DCAF7: variants seen among roughly 807,000 people sequenced by gnomAD.
The protein encoded by DCAF7 is DDB1 and CUL4 associated factor 7, also known as DDB1- and CUL4-associated factor 7.
DCAF7 carries 4 observed loss-of-function variants against 41.2 expected under a neutral mutation model. The ratio of observed to expected loss-of-function variants is 0.10; its 90% CI spans 0.05 to 0.22. DCAF7 has a LOEUF of 0.22. Ranked by LOEUF, DCAF7 falls within the 10% of genes least tolerant of loss-of-function variation. The pLI, the probability that DCAF7 is intolerant of heterozygous loss-of-function variation, is 1.00. For synonymous variants in DCAF7, 143 were observed against 164.2 expected (o/e 0.87, Z 0.99); for missense variants, 131 against 443.2 (o/e 0.30, Z 6.32).
rs759862233 is a variant in DCAF7, at chr17:63,589,286, C to T, written c.*114C>T. ...GGCCAGTATGTCTTTCATTGCTTTG[C>T]ACCCACTGTTACCAGAAGCTGCTCT... On this transcript the variant is annotated 3_prime_UTR_variant, in exon 7 of 7. Coordinates refer to ENST00000614556, the MANE Select transcript of DCAF7 (RefSeq NM_005828.5). 29 of 1,400,262 alleles carry T rather than the reference C, an allele frequency of 2.1e-5. No individual in the cohort carries two copies. Among genetic ancestry groups the T allele is most frequent in the Non-Finnish European group, 2.8e-5 (28 of 1,011,478 alleles). 86.7% of individuals were successfully genotyped at this position (1,400,262 alleles called of 1,614,324 possible).
chr17:63,550,929 G>A lies in DCAF7; in HGVS notation c.138+114G>A. 6.9e-7 allele frequency: 1 copy of A among 1,458,746 alleles called. No homozygotes were observed. The highest frequency in any genetic ancestry group is 9.1e-7 in the Non-Finnish European group (1 of 1,098,946). 90.4% of individuals were successfully genotyped at this position (1,458,746 alleles called of 1,614,324 possible). The stretch of plus-strand genomic sequence containing the variant: ...TCTTGCGGACTCGCCCTAGGGCCAC[G>A]GAGCGGTTCCTCTGTCTGGCCCTGT... On this transcript the variant is annotated intron_variant, in intron 1 of 6. Coordinates refer to ENST00000614556, the MANE Select transcript of DCAF7 (RefSeq NM_005828.5). This position sits in a 1 kb window ranked among gnomAD's most constrained non-coding sequence, Gnocchi z 4.8.
chr17:63,554,969 A>C (rs2033295621), intron 1 of DCAF7, among the ~76,000 whole-genome samples: 1 of 152,200 alleles, frequency 6.6e-6, no homozygotes, highest in Admixed American at 6.5e-5. Context: ...CTCATTTTGT[A>C]GTCTAGCAGA....
Position 63,589,217 on chromosome 17 carries a change from T to G in DCAF7, c.*45T>G, listed in dbSNP as rs1278627647. 6.2e-7 allele frequency: 1 copy of G among 1,608,536 alleles called. No individual in the cohort carries two copies. The highest frequency in any genetic ancestry group is 1.7e-5 in the Admixed American group (1 of 60,014). ...ACGAGGCAGGGGCTTTTGTATTTCC[T>G]GCCTCTGCCCCACCCCCAAAGTAAG... On this transcript the variant is annotated 3_prime_UTR_variant, in exon 7 of 7. Transcript: ENST00000614556.
intron 6 of DCAF7, among the ~76,000 whole-genome samples, chr17:63,587,950 C>T (rs2033694318): frequency 6.9e-6 from 1 of 144,022 alleles, no homozygotes; most frequent in Non-Finnish European, 1.5e-5. Context: ...TGCACCATTG[C>T]ACTCAAGCCT....
intron 4 of DCAF7, among the ~76,000 whole-genome samples, chr17:63,582,006 T>C (rs920213120): frequency 6.6e-6 from 1 of 152,192 alleles, no homozygotes; most frequent in Non-Finnish European, 1.5e-5. Context: ...TCAGCCACGC[T>C]GCCCATGGCA....
intron 1 of DCAF7, among the ~76,000 whole-genome samples, chr17:63,558,310 GA>G (rs777124899): frequency 6.6e-6 from 1 of 152,232 alleles, no homozygotes; most frequent in African/African-American, 2.4e-5. Flanking sequence ...TTTGATGACA[GA>G]AGGCCATGGA....
In DCAF7 at chr17:63,550,901, C is replaced by T; in HGVS notation, c.138+86C>T. 3 of 1,535,722 alleles carry T rather than the reference C, an allele frequency of 2.0e-6. 1 individual carries two copies. The South Asian group carries it at 3.6e-5, about 18-fold the overall frequency. On this transcript the variant is annotated intron_variant, in intron 1 of 6. Transcript: ENST00000614556. The surrounding 1 kb of genome is among the most constrained non-coding windows in gnomAD (Gnocchi z 4.8). ...CCGGGCCGGAGCCCAGGCCTCAGAA[C>T]CCTCTTGCGGACTCGCCCTAGGGCC...
chr17:63,589,229 A>C lies in DCAF7; in HGVS notation c.*57A>C. 6.3e-7 allele frequency: 1 copy of C among 1,599,776 alleles called. No homozygotes were observed. The highest frequency in any genetic ancestry group is 2.2e-5 in the East Asian group (1 of 44,824). ...CTTTTGTATTTCCTGCCTCTGCCCC[A>C]CCCCCAAAGTAAGAAGAAACATGTT... On this transcript the variant is annotated 3_prime_UTR_variant, in exon 7 of 7. Coordinates refer to ENST00000614556, the MANE Select transcript of DCAF7 (RefSeq NM_005828.5).
intron 4 of DCAF7, among the ~76,000 whole-genome samples, chr17:63,580,308 A>G (rs971240435): frequency 5.3e-5 from 8 of 152,174 alleles, no homozygotes; most frequent in African/African-American, 1.7e-4. Context: ...GAAAGAAGGG[A>G]GACAGGAAGA....
chr17:63,575,882 T>G (rs905496053), intron 1 of DCAF7, among the ~76,000 whole-genome samples: 4 of 152,066 alleles, frequency 2.6e-5, no homozygotes. Flanking sequence ...AAAGCAAAAG[T>G]AGAGAATAGC....
At chr17:63,573,696 C>T (rs921080550) in intron 1 of DCAF7, among the ~76,000 whole-genome samples, 16 of 151,150 alleles carry the variant, frequency 1.1e-4, no homozygotes, top group African/African-American at 3.7e-4. Flanking sequence ...CGCCATTGCA[C>T]TCCAGCCTGG....
At chr17:63,554,017 A>G (rs2033285480) in intron 1 of DCAF7, among the ~76,000 whole-genome samples, 1 of 152,190 alleles carries the variant, frequency 6.6e-6, no homozygotes, top group Non-Finnish European at 1.5e-5. Context: ...CAACCTGGGC[A>G]ACATGGAGAA....
intron 1 of DCAF7, among the ~76,000 whole-genome samples, chr17:63,559,254 T>G (rs1362961853): frequency 6.8e-6 from 1 of 147,830 alleles, no homozygotes; most frequent in Non-Finnish European, 1.5e-5. Context: ...GAGGTTGCAG[T>G]GAGCCAAGAT....
intron 1 of DCAF7, among the ~76,000 whole-genome samples, chr17:63,564,903 G>T (rs538994489): frequency 1.3e-5 from 2 of 152,254 alleles, no homozygotes; most frequent in African/African-American, 2.4e-5. Context: ...GGCATAGGCG[G>T]AAATGTGGTG....
intron 1 of DCAF7, among the ~76,000 whole-genome samples, chr17:63,574,549 C>T (rs1217700731): frequency 6.6e-6 from 1 of 152,000 alleles, no homozygotes; most frequent in Non-Finnish European, 1.5e-5. Context: ...TAGAAAAATC[C>T]TTAGGAATCT....
At chr17:63,556,586 G>C (rs1189332905) in intron 1 of DCAF7, among the ~76,000 whole-genome samples, 2 of 143,020 alleles carry the variant, frequency 1.4e-5, no homozygotes, top group Admixed American at 7.0e-5. Context: ...AAATAAATCA[G>C]GGCCGGGCGC....
intron 6 of DCAF7, among the ~76,000 whole-genome samples, chr17:63,587,582 T>A (rs2033690867): frequency 6.6e-6 from 1 of 152,146 alleles, no homozygotes; most frequent in Admixed American, 6.6e-5. Context: ...GAGGTGCAAT[T>A]CCCTGACCTC....
chr17:63,557,272 T>C (rs1308809795), intron 1 of DCAF7, among the ~76,000 whole-genome samples: 2 of 152,014 alleles, frequency 1.3e-5, no homozygotes, highest in East Asian at 1.9e-4. Flanking sequence ...AGAGAAAATA[T>C]AACATCAGCT....
intron 1 of DCAF7, among the ~76,000 whole-genome samples, chr17:63,553,142 T>C (rs765606988): frequency 6.6e-6 from 1 of 152,208 alleles, no homozygotes; most frequent in African/African-American, 2.4e-5. Flanking sequence ...TTTAAAGTGG[T>C]GATGTAGTCA....
Sources: allele counts gnomAD v4.1 joint callset (sites outside exome capture counted in the v4.1 genomes callset), GRCh38; gene constraint gnomAD v4.1.1; non-coding constraint Gnocchi (gnomAD v3.1); transcripts MANE v1.5; gene names NCBI Gene and HGNC (gene_info 2026-07-23, HGNC 2026-07-21).